PDZD4: variants seen among roughly 807,000 people sequenced by gnomAD.
The protein encoded by PDZD4 is PDZ domain-containing protein 4.
PDZD4 carries 9 observed loss-of-function variants against 38.5 expected under a neutral mutation model. That is an observed-to-expected ratio of 0.23 (90% CI 0.14 to 0.41). PDZD4 has a LOEUF of 0.41. Among genes scored for constraint, PDZD4 ranks in the 10% least tolerant of loss-of-function variants. The pLI is 1.00. For synonymous variants in PDZD4, 349 were observed against 315.7 expected (o/e 1.11, Z -1.12); for missense variants, 612 against 722.0 (o/e 0.85, Z 1.75).
intron 1 of PDZD4, among the ~76,000 whole-genome samples, chrX:153,823,497 C>T (rs111815462): frequency 1.8e-5 from 2 of 110,102 alleles, no homozygotes; most frequent in East Asian, 5.7e-4. Context: ...GGATTACAGG[C>T]GTGAGCCACC....
Position 153,803,763 on chromosome X carries a change from G to T in PDZD4, c.1918C>A (p.Arg640Ser), listed in dbSNP as rs1557075458. The change falls in exon 8 of 8, where the codon CGC becomes AGC. Residue 640 changes from arginine to serine, a missense_variant. Arg to Ser is a moderately radical substitution (Grantham distance 110, BLOSUM62 -1). This residue lies in a region of PDZD4 where 300 missense variants were observed against 284.6 expected (regional missense o/e 1.05). Coordinates refer to ENST00000393758, the MANE Select transcript of PDZD4 (RefSeq NM_001303512.2). ...CGCACGGGCCGCTTGGCCACGTAGC[G>T]GGTTCCGTCGCTGCGCACCTTCACT... ...WKVKVRSDGT[R>S]YVAKRPVRDR... 1 of 1,208,490 alleles carries T rather than the reference G, an allele frequency of 8.3e-7. No individual in the cohort carries two copies. Among genetic ancestry groups the T allele is most frequent in the South Asian group, 1.8e-5 (1 of 57,036 alleles).
chrX:153,826,784 T>C (rs782726694), intron 1 of PDZD4, among the ~76,000 whole-genome samples: 4 of 111,868 alleles, frequency 3.6e-5, no homozygotes, highest in Non-Finnish European at 7.5e-5. Flanking sequence ...CCATTTATGA[T>C]AGCATCATAA....
intron 1 of PDZD4, among the ~76,000 whole-genome samples, chrX:153,812,926 A>G (rs2064325022): frequency 9.3e-6 from 1 of 108,027 alleles, no homozygotes; most frequent in African/African-American, 3.4e-5. Flanking sequence ...AGGCACAAAC[A>G]CTCAACATGG....
rs782701006 is a variant in PDZD4 at position 153,818,110 on chromosome X, G to A, written c.61-9515C>T. On this transcript the variant is annotated intron_variant, in intron 1 of 7. Transcript: ENST00000393758. ...AAAATACAAAAATTAGCAGGGCGTG[G>A]TGGCAGGCACCTGTAATCCCAACTA... 2.3e-3 allele frequency among the ~76,000 whole-genome samples: 258 copies of A among 111,780 alleles called. 1 individual carries two copies. Among genetic ancestry groups the A allele is most frequent in the Middle Eastern group, 4.6e-3 (1 of 219 alleles).
Position 153,806,859 on chromosome X carries a change from G to T in PDZD4, c.406-19C>A, listed in dbSNP as rs782812995. 4 of 1,169,232 alleles carry T rather than the reference G, an allele frequency of 3.4e-6. No homozygotes were observed. Among genetic ancestry groups the T allele is most frequent in the Admixed American group, 4.4e-5 (2 of 45,945 alleles). Reference sequence around the variant, plus strand: ...CCACCTCCTGCCACGAGGGGTCCGGGAGGAAGCAGAGGTAGAAAGCCCCAG... The same window carrying T: ...CCACCTCCTGCCACGAGGGGTCCGGTAGGAAGCAGAGGTAGAAAGCCCCAG... On this transcript the variant is annotated intron_variant, in intron 3 of 7. Coordinates refer to ENST00000393758, the MANE Select transcript of PDZD4 (RefSeq NM_001303512.2).
chrX:153,819,336 T>G (rs1309962783), intron 1 of PDZD4, among the ~76,000 whole-genome samples: 2 of 112,917 alleles, frequency 1.8e-5, no homozygotes, highest in Non-Finnish European at 3.8e-5. Flanking sequence ...CAGGAATCTC[T>G]GGGAAGCCGA....
chrX:153,806,684 G>A, intron 4 of PDZD4, 58 bp downstream of exon 4: 1 of 1,076,808 alleles, frequency 9.3e-7, no homozygotes, highest in Non-Finnish European at 1.3e-6. Context: ...GGCAGCCTCT[G>A]AGCCACAGGC....
intron 1 of PDZD4, among the ~76,000 whole-genome samples, chrX:153,809,739 T>A (rs1352840851): frequency 2.7e-5 from 3 of 112,746 alleles, no homozygotes; most frequent in Non-Finnish European, 5.6e-5. Context: ...GTCAGCAAGC[T>A]CAGCAAGGTT....
rs782274657 is a variant in PDZD4 at position 153,804,051 on chromosome X, G to C, written c.1630C>G (p.Arg544Gly). 3,809 of 1,158,115 alleles carry C rather than the reference G, an allele frequency of 3.3e-3. 6 individuals are homozygous for C. Among genetic ancestry groups the C allele is most frequent in the Non-Finnish European group, 4.1e-3 (3,554 of 871,557 alleles). The change falls in exon 8 of 8, where the codon CGG (arginine) becomes GGG (glycine). Residue 544 changes from arginine (R) to glycine (G), a missense_variant. By Grantham distance (125) the Arg-to-Gly change is moderately radical. Transcript: ENST00000393758. ...CCGCGCTCCTCCGCGTGCTGCCTCC[G>C]GCCGGCCTCAGGATCCCGGGAGAGG... ...RSLSRDPEAGRRQHAEERGRR... is the reference protein window; with the variant it reads ...RSLSRDPEAGGRQHAEERGRR...
At chrX:153,814,470 T>TCCCCCCCCCC (rs1421241398) in intron 1 of PDZD4, among the ~76,000 whole-genome samples, 1 of 42,408 alleles carries the variant, frequency 2.4e-5, no homozygotes, top group African/African-American at 8.9e-5. Context: ...TCAGACTCCA[T>TCCCCCCCCCC]CCACCCCCCA....
intron 1 of PDZD4, among the ~76,000 whole-genome samples, chrX:153,828,035 A>G (rs1476453903): frequency 9.0e-6 from 1 of 111,535 alleles, no homozygotes; most frequent in African/African-American, 3.3e-5. Flanking sequence ...AGGCCCATGA[A>G]GTGCCTCACC....
In PDZD4 at chrX:153,823,233, A is replaced by AT. The variant is rs374179447; in HGVS notation, c.60+7005dup. Among the ~76,000 whole-genome samples the AT allele has an allele frequency of 7.9e-3, 541 of 68,628 alleles. 2 individuals carry two copies. The highest frequency in any genetic ancestry group is 0.071 in the Middle Eastern group (11 of 155). 59.6% of individuals were successfully genotyped at this position (68,628 alleles called of 115,157 possible). ...ATGCCCAGCTAATATATATATATATATTTTTTTTTGAGATGGAGTTTCGAG... is the reference window on the plus strand; with the variant it reads ...ATGCCCAGCTAATATATATATATATATTTTTTTTTTGAGATGGAGTTTCGAG... On this transcript the variant is annotated intron_variant, in intron 1 of 7. Transcript: ENST00000393758.
At chrX:153,814,098 G>A (rs1388834836) in intron 1 of PDZD4, among the ~76,000 whole-genome samples, 1 of 111,012 alleles carries the variant, frequency 9.0e-6, no homozygotes, top group Non-Finnish European at 1.9e-5. Flanking sequence ...CTGGGCTCAA[G>A]CCATCTGCTT....
At chrX:153,810,058 A>G (rs782284756) in intron 1 of PDZD4, among the ~76,000 whole-genome samples, 1 of 112,485 alleles carries the variant, frequency 8.9e-6, no homozygotes, top group East Asian at 2.8e-4. Context: ...GGGACGAATG[A>G]CTAAGGACCA....
intron 4 of PDZD4, 142 bp downstream of exon 4, chrX:153,806,600 G>T: frequency 1.9e-6 from 1 of 513,817 alleles, no homozygotes. Context: ...AGTGGCTGAA[G>T]CCGTCGACCA....
rs782157613 is a variant in PDZD4 at position 153,809,997 on chromosome X, A to G, written c.61-1402T>C. Among the ~76,000 whole-genome samples, 28 of 112,988 alleles carry G rather than the reference A, an allele frequency of 2.5e-4. 1 individual carries two copies. The highest frequency in any genetic ancestry group is 7.4e-4 in the African/African-American group (23 of 31,128). On this transcript the variant is annotated intron_variant, in intron 1 of 7. Transcript: ENST00000393758. ...GGCTGCTTCCGCAGCACCCTGGGAC[A>G]GTATGCTGCGACCTTCAAGTCCTCC...
chrX:153,825,755 T>C, intron 1 of PDZD4, among the ~76,000 whole-genome samples: 1 of 112,247 alleles, frequency 8.9e-6, no homozygotes, highest in South Asian at 3.7e-4. Context: ...GGAACTTCCT[T>C]ACCCTGATAA....
Position 153,807,333 on chromosome X carries a change from C to G in PDZD4, c.351G>C (p.Glu117Asp). ...CCTCCTGCGGGCCGCCCTCCATAAA[C>G]TCCGCCGGGTCATAATACTCATGGC... ...PISHEYYDPA[E>D]FMEGGPQEAD... Residue 117 changes from glutamate (E) to aspartate (D), a missense_variant, in exon 3 of 8, where the codon GAG (glutamate) becomes GAC (aspartate). Physicochemically the swap from Glu to Asp is conservative, Grantham distance 45 (BLOSUM62 2). Transcript: ENST00000393758. 1 of 1,210,123 alleles carries G rather than the reference C, an allele frequency of 8.3e-7. No homozygotes were observed. The highest frequency in any genetic ancestry group is 1.1e-6 in the Non-Finnish European group (1 of 894,921).
At chrX:153,814,116 C>G (rs942862834) in intron 1 of PDZD4, among the ~76,000 whole-genome samples, 6 of 111,065 alleles carry the variant, frequency 5.4e-5, no homozygotes, top group African/African-American at 2.0e-4. Context: ...CTTAGTCCCC[C>G]CAAAAGTGTT....
Sources: gnomAD v4.1 joint callset for allele counts (sites outside exome capture counted in the v4.1 genomes callset) on GRCh38, gnomAD v4.1.1 for gene constraint, gnomAD v4.1.1 regional missense constraint, MANE v1.5 for transcripts, NCBI Gene and HGNC (gene_info 2026-07-23, HGNC 2026-07-21) for gene names.